Variants in CRBN observed in about 807,000 individuals in gnomAD.
The protein encoded by CRBN is cereblon, also known as protein cereblon.
CRBN carries 53 observed loss-of-function variants against 62.2 expected under a neutral mutation model. The ratio of observed to expected loss-of-function variants is 0.85; its 90% CI spans 0.68 to 1.07. The LOEUF is 1.07. Ranked by LOEUF, CRBN falls within the 50% of genes least tolerant of loss-of-function variation. The pLI, the probability that CRBN is intolerant of heterozygous loss-of-function variation, is 0.00. For missense variants in CRBN, 616 were observed against 531.1 expected (o/e 1.16, Z -1.57); for synonymous variants, 208 against 176.1 (o/e 1.18, Z -1.43).
intron 1 of CRBN, among the ~76,000 whole-genome samples, chr3:3,176,223 C>T (rs1053400886): frequency 1.3e-5 from 2 of 152,076 alleles, no homozygotes; most frequent in Admixed American, 6.6e-5. Flanking sequence ...TCATTCTGCC[C>T]AATTAAATTT....
intron 2 of CRBN, among the ~76,000 whole-genome samples, chr3:3,174,636 C>T (rs1315885273): frequency 1.3e-5 from 2 of 151,282 alleles, no homozygotes; most frequent in African/African-American, 4.9e-5. Context: ...CAGAGCAACA[C>T]TCTGTCTCAA....
intron 5 of CRBN, among the ~76,000 whole-genome samples, chr3:3,158,420 C>T (rs1260368612): frequency 2.0e-5 from 3 of 152,214 alleles, no homozygotes; most frequent in Admixed American, 6.5e-5. Flanking sequence ...TGGCCTCCTA[C>T]TGTGTGCTCT....
rs552087502 is a variant in CRBN at position 3,170,977 on chromosome 3, G to A, written c.527+1799C>T. 1.4e-3 allele frequency among the ~76,000 whole-genome samples: 213 copies of A among 152,188 alleles called. 2 individuals carry two copies. Among genetic ancestry groups the A allele is most frequent in the African/African-American group, 4.8e-3 (200 of 41,538 alleles). ...TGCGCCACCATGCCCGGCTAACTTT[G>A]TATTTTTAGTAGAGATGGGGTTTCT... On this transcript the variant is annotated intron_variant, in intron 4 of 10. Transcript: ENST00000231948.
At chr3:3,159,161 G>A (rs1393519272) in intron 5 of CRBN, among the ~76,000 whole-genome samples, 1 of 152,142 alleles carries the variant, frequency 6.6e-6, no homozygotes, top group Non-Finnish European at 1.5e-5. Context: ...CCAGTCTTGG[G>A]TACGTCTTAG....
intron 5 of CRBN, among the ~76,000 whole-genome samples, chr3:3,159,289 T>C (rs1308383262): frequency 6.6e-6 from 1 of 152,196 alleles, no homozygotes; most frequent in African/African-American, 2.4e-5. Context: ...CGAGCTTATA[T>C]TTTAGAGAGA....
chr3:3,161,406 A>G lies in CRBN; in HGVS notation c.688-5125T>C, dbSNP rs768892015. 6.1e-4 allele frequency among the ~76,000 whole-genome samples: 93 copies of G among 152,190 alleles called. 1 individual carries two copies. The highest frequency in any genetic ancestry group is 2.4e-4 in the Non-Finnish European group (16 of 68,038). ...CAGCAAACATCAGGTTTGATACTAC[A>G]TTGCCTGTCAGGCCATGATGAAACA... On this transcript the variant is annotated intron_variant, in intron 5 of 10. Coordinates refer to ENST00000231948, the MANE Select transcript of CRBN (RefSeq NM_016302.4).
intron 5 of CRBN, among the ~76,000 whole-genome samples, chr3:3,157,735 C>T (rs997095749): frequency 4.6e-5 from 7 of 152,308 alleles, no homozygotes; most frequent in Admixed American, 4.6e-4. Flanking sequence ...CTCGACTTCC[C>T]CGCCACTCCA....
intron 5 of CRBN, among the ~76,000 whole-genome samples, chr3:3,157,812 T>C (rs950733460): frequency 6.6e-6 from 1 of 152,218 alleles, no homozygotes; most frequent in Non-Finnish European, 1.5e-5. Context: ...CTAGAATCTA[T>C]GAGACAATGT....
intron 5 of CRBN, among the ~76,000 whole-genome samples, chr3:3,163,030 G>C (rs993181027): frequency 6.6e-6 from 1 of 152,166 alleles, no homozygotes; most frequent in South Asian, 2.1e-4. Flanking sequence ...AAAGATATCT[G>C]CCATCCCCTT....
chr3:3,173,038 C>A (rs1249427005), intron 3 of CRBN, 113 bp from the exon 4 acceptor site: 3 of 808,338 alleles, frequency 3.7e-6, no homozygotes, highest in Non-Finnish European at 6.5e-6. Context: ...ACCCTTACTA[C>A]AAAGCTAGGA....
In CRBN at chr3:3,174,324, C is replaced by G. The variant is rs527901156; in HGVS notation, c.175-63G>C. The G allele has an allele frequency of 7.3e-5, 93 of 1,273,980 alleles. No homozygotes were observed. In the African/African-American group the frequency reaches 1.2e-3, roughly 16 times the overall value. The allele number at this position is 1,273,980 out of a possible 1,614,324, so 78.9% of individuals were successfully genotyped here. A position where few individuals can be genotyped will look rare whatever the true frequency, so the allele number is the denominator to read the frequency against. The stretch of plus-strand genomic sequence containing the variant: ...ATATGTAATAAAAATGTAAGCTCAA[C>G]AGACTAAAGAGCAAATCACATTAAA... On this transcript the variant is annotated intron_variant, in intron 2 of 10. Transcript: ENST00000231948.
At chr3:3,156,452 T>A (rs141358904) in intron 5 of CRBN, 171 bp from the exon 6 acceptor site, 2 of 627,036 alleles carry the variant, frequency 3.2e-6, no homozygotes, top group Admixed American at 2.9e-5. Context: ...TGTGAAATCA[T>A]GCTTCCTATA....
intron 5 of CRBN, among the ~76,000 whole-genome samples, chr3:3,160,467 T>C (rs550989849): frequency 7.2e-5 from 11 of 152,362 alleles, no homozygotes; most frequent in Admixed American, 2.6e-4. Context: ...TGATAAGCTC[T>C]TTCCTACTCC....
At chr3:3,157,603 C>A (rs953131411) in intron 5 of CRBN, among the ~76,000 whole-genome samples, 2 of 152,134 alleles carry the variant, frequency 1.3e-5, no homozygotes, top group Admixed American at 6.5e-5. Flanking sequence ...TATGATCTTG[C>A]AAGTGCCGGA....
At chr3:3,152,945 T>C (rs1485893415) in intron 9 of CRBN, 2 of 313,508 alleles carry the variant, frequency 6.4e-6, no homozygotes, top group East Asian at 7.5e-5. Flanking sequence ...TTTGGGGCAG[T>C]TGATTATTTT....
At chr3:3,161,142 T>A (rs1707123878) in intron 5 of CRBN, among the ~76,000 whole-genome samples, 1 of 152,194 alleles carries the variant, frequency 6.6e-6, no homozygotes, top group African/African-American at 2.4e-5. Flanking sequence ...AACAGTTCTG[T>A]TTGACACACC....
At position 3,154,901 on chromosome 3, in the gene CRBN, C is replaced by T. The variant is rs568276405; in HGVS notation, c.751-70G>A. ...TAAAATTTACTATTAAGCTTTTCAA[C>T]TCTTAAAACTAACACTGGTAGCAAT... On this transcript the variant is annotated intron_variant, in intron 6 of 10. Transcript: ENST00000231948. 6 of 863,212 alleles carry T rather than the reference C, an allele frequency of 7.0e-6. No individual in the cohort carries two copies. In the African/African-American group the frequency reaches 8.3e-5, roughly 12 times the overall value. 53.5% of individuals were successfully genotyped at this position (863,212 alleles called of 1,614,324 possible).
At chr3:3,173,103 A>T (rs1202019060) in intron 3 of CRBN, among the ~76,000 whole-genome samples, 178 bp from the exon 4 acceptor site, 1 of 152,094 alleles carries the variant, frequency 6.6e-6, no homozygotes, top group Non-Finnish European at 1.5e-5. Flanking sequence ...CGTTGCCCAG[A>T]CTAGAGAGCA....
rs2126072660 is a variant in CRBN, at chr3:3,179,608, T to C, written c.67+13A>G. The C allele has an allele frequency of 1.9e-6, 3 of 1,613,190 alleles. No homozygotes were observed. The highest frequency in any genetic ancestry group is 4.5e-5 in the East Asian group (2 of 44,854). ...CCCACTCCCGACTACAGGGAACTAC[T>C]CCGGGCGGTTACCAGGCAGGAGCGG... On this transcript the variant is annotated intron_variant, in intron 1 of 10. Transcript: ENST00000231948.
Sources: gnomAD v4.1 joint callset for allele counts (sites outside exome capture counted in the v4.1 genomes callset) on GRCh38, gnomAD v4.1.1 for gene constraint, MANE v1.5 for transcripts, NCBI Gene and HGNC (gene_info 2026-07-23, HGNC 2026-07-21) for gene names.